Variants in ELAPOR1 observed in about 807,000 individuals in gnomAD.
ELAPOR1 encodes endosome-lysosome associated apoptosis and autophagy regulator 1.
In ELAPOR1, 77 loss-of-function variants were observed where a neutral mutation model predicts 119.7. The ratio of observed to expected loss-of-function variants is 0.64; its 90% CI spans 0.54 to 0.78. The LOEUF is 0.78. Ranked by LOEUF, ELAPOR1 falls within the 30% of genes least tolerant of loss-of-function variation. The probability of loss-of-function intolerance (pLI) is 0.00; values close to 1 mark genes in which losing one functional copy is unlikely to be tolerated. For missense variants in ELAPOR1, 1,115 were observed against 1,270.4 expected (o/e 0.88, Z 1.86); for synonymous variants, 481 against 487.2 (o/e 0.99, Z 0.17).
intron 1 of ELAPOR1, among the ~76,000 whole-genome samples, chr1:109,158,925 T>G (rs1337490272): frequency 6.6e-6 from 1 of 151,480 alleles, no homozygotes; most frequent in Non-Finnish European, 1.5e-5. Flanking sequence ...GGAGTCTTGC[T>G]TTTTTTGCCC....
Position 109,198,654 on chromosome 1 carries a change from T to G in ELAPOR1, c.2481T>G (p.Pro827=), listed in dbSNP as rs754007593. 9.9e-6 allele frequency: 16 copies of G among 1,613,456 alleles called. No individual in the cohort carries two copies. Among genetic ancestry groups the G allele is most frequent in the Non-Finnish European group, 1.4e-5 (16 of 1,179,820 alleles). ...RVRCSPQKTV[P]GSLLLPGTCS... ...GGTGCAGTCCACAGAAAACTGTCCC[T>G]GGAAGTTTGCTGCTGCCAGGGTAAG... is the stretch of plus-strand genomic sequence containing the variant. Residue 827 remains proline, a synonymous_variant, in exon 18 of 22, where the codon CCT becomes CCG. Transcript: ENST00000369939.
At position 109,165,410 on chromosome 1, in the gene ELAPOR1, C is replaced by T. The variant is rs146917187; in HGVS notation, c.467+719C>T. Among the ~76,000 whole-genome samples, 330 of 152,024 alleles carry T rather than the reference C, an allele frequency of 2.2e-3. 2 individuals are homozygous for T. The East Asian group carries it at 0.043, about 20-fold the overall frequency. On this transcript the variant is annotated intron_variant, in intron 3 of 21. Transcript: ENST00000369939. ...AAGACCAACCTGGCCATGGTGAAACCCCGTCTCTACTAAAAATACAAAAAA... is the reference window on the plus strand; with the variant it reads ...AAGACCAACCTGGCCATGGTGAAACTCCGTCTCTACTAAAAATACAAAAAA...
At chr1:109,202,543 C>T (rs148361848) in intron 21 of ELAPOR1, among the ~76,000 whole-genome samples, 1,638 of 151,846 alleles carry the variant, frequency 0.011, 31 homozygotes, top group African/African-American at 0.038. Flanking sequence ...CGGGTTCAAG[C>T]GATTCTCCTT....
intron 1 of ELAPOR1, among the ~76,000 whole-genome samples, chr1:109,123,189 A>G (rs1442118947): frequency 6.6e-6 from 1 of 152,192 alleles, no homozygotes. Flanking sequence ...CTGCAAAGTC[A>G]TTATGTAGGG....
At chr1:109,132,551 T>A (rs542428466) in intron 1 of ELAPOR1, among the ~76,000 whole-genome samples, 1 of 152,284 alleles carries the variant, frequency 6.6e-6, no homozygotes, top group East Asian at 1.9e-4. Context: ...CAAAGAAAGG[T>A]ACATGGTGCA....
chr1:109,192,314 AT>A (rs1312029922), intron 13 of ELAPOR1, among the ~76,000 whole-genome samples: 1 of 152,086 alleles, frequency 6.6e-6, no homozygotes, highest in Non-Finnish European at 1.5e-5. Context: ...GCACAAGTAC[AT>A]TTTTTTCTCT....
chr1:109,179,377 C>G (rs1240945241), intron 7 of ELAPOR1, among the ~76,000 whole-genome samples: 2 of 144,904 alleles, frequency 1.4e-5, no homozygotes, highest in South Asian at 2.2e-4. Flanking sequence ...CCACTGCACT[C>G]CAGCCTGGGT....
intron 7 of ELAPOR1, among the ~76,000 whole-genome samples, chr1:109,174,449 T>A (rs372130579): frequency 6.4e-3 from 327 of 51,416 alleles, no homozygotes; most frequent in Admixed American, 0.011. Flanking sequence ...AAAAAAAAAA[T>A]CATTCAATAA....
chr1:109,175,848 A>G (rs1359800288), intron 7 of ELAPOR1, among the ~76,000 whole-genome samples: 3 of 150,886 alleles, frequency 2.0e-5, no homozygotes, highest in Non-Finnish European at 4.4e-5. Context: ...AAAAAAAAAA[A>G]AAAGATTATA....
At chr1:109,197,852 CT>C in intron 16 of ELAPOR1, 126 bp from the exon 17 acceptor site, 1 of 1,012,822 alleles carries the variant, frequency 9.9e-7, no homozygotes, top group Non-Finnish European at 1.5e-6. Context: ...TTGTTTCACC[CT>C]TTCATAAGCC....
chr1:109,172,676 G>A (rs2101060146), intron 5 of ELAPOR1, 108 bp downstream of exon 5: 2 of 760,752 alleles, frequency 2.6e-6, no homozygotes. Context: ...TGTCCCTGGA[G>A]GGCAGGAATG....
At chr1:109,199,720 A>C in intron 18 of ELAPOR1, 134 bp from the exon 19 acceptor site, 2 of 1,027,456 alleles carry the variant, frequency 1.9e-6, no homozygotes, top group Non-Finnish European at 2.8e-6. Flanking sequence ...GACTAGTTGG[A>C]AGGATCCTGG....
intron 7 of ELAPOR1, among the ~76,000 whole-genome samples, chr1:109,183,960 G>A (rs1652898074): frequency 6.6e-6 from 1 of 152,076 alleles, no homozygotes; most frequent in Admixed American, 6.6e-5. Context: ...TGGTGCGGGA[G>A]GCGGGAGGAT....
chr1:109,188,157 T>A lies in ELAPOR1; in HGVS notation c.1042-20T>A, dbSNP rs1314163801. ...CCTAAATCTCACACAGGCTGAGTTG[T>A]GCTTAATCCATTTCTGCAGACACAA... On this transcript the variant is annotated intron_variant, in intron 8 of 21. Transcript: ENST00000369939. 1 of 1,587,506 alleles carries A rather than the reference T, an allele frequency of 6.3e-7. No individual in the cohort carries two copies. Among genetic ancestry groups the A allele is most frequent in the Admixed American group, 1.7e-5 (1 of 59,172 alleles).
chr1:109,173,358 C>T (rs1652042855), intron 5 of ELAPOR1, 116 bp from the exon 6 acceptor site: 4 of 806,048 alleles, frequency 5.0e-6, no homozygotes, highest in Middle Eastern at 3.6e-4. Context: ...GGAAGAGGGT[C>T]AGAAGAAGCA....
intron 1 of ELAPOR1, among the ~76,000 whole-genome samples, chr1:109,125,716 A>G (rs1024555118): frequency 7.2e-5 from 11 of 152,202 alleles, no homozygotes; most frequent in Admixed American, 5.2e-4. Flanking sequence ...CACAATCTGG[A>G]TACACAGTTT....
chr1:109,148,482 A>G (rs1477464226), intron 1 of ELAPOR1, among the ~76,000 whole-genome samples: 4 of 152,240 alleles, frequency 2.6e-5, no homozygotes, highest in Admixed American at 2.6e-4. Flanking sequence ...TATTATTTTG[A>G]GGACTCTTGA....
rs1395418900 is a variant in ELAPOR1, at chr1:109,183,338, AAAAAAAAAAAC to A, written c.953-1698_953-1688del. 5.0e-4 allele frequency among the ~76,000 whole-genome samples: 23 copies of A among 46,212 alleles called. 1 individual carries two copies. The East Asian group carries it at 0.19, about 384-fold the overall frequency. 30.3% of individuals were successfully genotyped at this position (46,212 alleles called of 152,430 possible). Reference sequence around the variant, plus strand: ...AGACTCTGTCTCTACCAAAAAAAAAAAAAAAAAAAACAAAAAAAAGAGAGAGAGAGAGAAAA... The same window carrying A: ...AGACTCTGTCTCTACCAAAAAAAAAAAAAAAAAAGAGAGAGAGAGAGAAAA... On this transcript the variant is annotated intron_variant, in intron 7 of 21. Transcript: ENST00000369939.
chr1:109,195,933 A>G (rs1653767266), intron 15 of ELAPOR1, among the ~76,000 whole-genome samples: 1 of 152,238 alleles, frequency 6.6e-6, no homozygotes, highest in South Asian at 2.1e-4. Flanking sequence ...AGGCAGGCAG[A>G]TCACCTGAGG....
Sources: allele counts gnomAD v4.1 joint callset (sites outside exome capture counted in the v4.1 genomes callset), GRCh38; gene constraint gnomAD v4.1.1; transcripts MANE v1.5; gene names NCBI Gene and HGNC (gene_info 2026-07-23, HGNC 2026-07-21).